Variants in SPICE1 observed in about 807,000 individuals in gnomAD.
SPICE1 encodes the protein spindle and centriole-associated protein 1.
A neutral mutation model predicts 102.7 loss-of-function variants in SPICE1; 75 were observed. The ratio of observed to expected loss-of-function variants is 0.73; its 90% confidence interval spans 0.61 to 0.88. The LOEUF is 0.88. Among genes scored for constraint, SPICE1 ranks in the 40% least tolerant of loss-of-function variants. The pLI is 0.00. For synonymous variants in SPICE1, 308 were observed against 350.3 expected, an observed-to-expected ratio of 0.88 and a Z score of 1.35; for missense variants, 979 against 1,020.1, an observed-to-expected ratio of 0.96 and a Z score of 0.55.
At chr3:113,505,378 T>C (rs1937089283) in intron 2 of SPICE1, among the ~76,000 whole-genome samples, 1 of 152,104 alleles carries the variant, frequency 6.6e-6, no homozygotes, top group Non-Finnish European at 1.5e-5. Flanking sequence ...TAAAATTTTA[T>C]AGCCAATCAG....
intron 13 of SPICE1, among the ~76,000 whole-genome samples, chr3:113,454,632 C>T (rs530521202): frequency 6.6e-6 from 1 of 152,122 alleles, no homozygotes; most frequent in Admixed American, 6.5e-5. Context: ...AGGAGAATAG[C>T]TTGAACCCAG....
chr3:113,473,255 G>A (rs1036305240), intron 7 of SPICE1, among the ~76,000 whole-genome samples: 10 of 152,076 alleles, frequency 6.6e-5, no homozygotes, highest in South Asian at 6.2e-4. Context: ...AAAAAGAAAC[G>A]AACAAAGCCT....
chr3:113,514,967 C>T lies in SPICE1; in HGVS notation c.-71G>A. The T allele has an allele frequency of 1.4e-6, 1 of 730,856 alleles. No homozygotes were observed. Among genetic ancestry groups the T allele is most frequent in the Non-Finnish European group, 1.9e-6 (1 of 531,444 alleles). The allele number at this position is 730,856 out of a possible 1,614,324, so 45.3% of individuals were successfully genotyped here. ...GGATTCCCCAACCGGGCGCCTGGAT[C>T]CCAGGCAACAGACAGATGCCACCAC... On this transcript the variant is annotated 5_prime_UTR_variant, in exon 1 of 18. Transcript: ENST00000295872.
rs766013866 is a variant in SPICE1 at position 113,453,862 on chromosome 3, C to A, written c.1746G>T (p.Lys582Asn). Residue 582 changes from lysine to asparagine, a missense_variant, in exon 14 of 18, where the codon AAG becomes AAT. Physicochemically the swap from Lys to Asn is moderately conservative, Grantham distance 94. Coordinates refer to ENST00000295872, the MANE Select transcript of SPICE1 (RefSeq NM_144718.4). ...GAATGTCTGTATCAATAGGTAAGGTCTTCTCTTCCCAATTTTGTTCCTTCT... is the reference window on the plus strand; with the variant it reads ...GAATGTCTGTATCAATAGGTAAGGTATTCTCTTCCCAATTTTGTTCCTTCT... The part of the protein sequence containing the change: ...IIEKEQNWEE[K>N]TLPIDTDIQN... 2.2e-5 allele frequency: 36 copies of A among 1,614,078 alleles called. No individual in the cohort carries two copies. Among genetic ancestry groups the A allele is most frequent in the Non-Finnish European group, 2.3e-5 (27 of 1,180,028 alleles).
chr3:113,448,752 C>A (rs1362919981), intron 15 of SPICE1: 1 of 152,160 alleles, frequency 6.6e-6, no homozygotes, highest in African/African-American at 2.4e-5. Context: ...CTTTGTGTGA[C>A]TTCCTGGCTT....
intron 7 of SPICE1, among the ~76,000 whole-genome samples, chr3:113,474,998 G>C (rs1936303862): frequency 6.6e-6 from 1 of 152,130 alleles, no homozygotes; most frequent in Admixed American, 6.5e-5. Flanking sequence ...TCCAGGAGCT[G>C]GCTTTTTGAA....
chr3:113,448,033 C>A lies in SPICE1; in HGVS notation c.2426+5G>T. On this transcript the variant is annotated splice_donor_5th_base_variant and intron_variant, in intron 16 of 17. Coordinates refer to ENST00000295872, the MANE Select transcript of SPICE1 (RefSeq NM_144718.4). ...TTTTAAATAAATATTCACACTGCAACTTACCTTCTTGTATTTATCCCGCTG... is the reference window on the plus strand; with the variant it reads ...TTTTAAATAAATATTCACACTGCAAATTACCTTCTTGTATTTATCCCGCTG... 6.3e-7 allele frequency: 1 copy of A among 1,588,988 alleles called. No homozygotes were observed. The highest frequency in any genetic ancestry group is 8.5e-7 in the Non-Finnish European group (1 of 1,171,290).
chr3:113,513,777 TTCAC>T (rs1463883242), intron 1 of SPICE1, among the ~76,000 whole-genome samples: 1 of 152,206 alleles, frequency 6.6e-6, no homozygotes, highest in African/African-American at 2.4e-5. Flanking sequence ...TAGTCTCCCT[TTCAC>T]TCTTCACTCA....
intron 7 of SPICE1, among the ~76,000 whole-genome samples, chr3:113,480,932 A>AAAGAAAGAAAGAAAGAAAGAAAG (rs750705808): frequency 0.068 from 4,273 of 62,556 alleles, 212 homozygotes; most frequent in Non-Finnish European, 0.072. Context: ...AAGAAAGAAA[A>AAAGAAAGAAAGAAAGAAAGAAAG]AAGACCTCAG....
chr3:113,504,484 A>G (rs1576649885), intron 2 of SPICE1, among the ~76,000 whole-genome samples: 1 of 150,004 alleles, frequency 6.7e-6, no homozygotes, highest in South Asian at 2.1e-4. Flanking sequence ...TCAGCTACCC[A>G]GGAGGTTCAG....
chr3:113,476,588 T>G (rs1291603223), intron 7 of SPICE1, among the ~76,000 whole-genome samples: 1 of 143,976 alleles, frequency 6.9e-6, no homozygotes, highest in African/African-American at 2.7e-5. Context: ...AAAACAGAGA[T>G]ATAGATCAAT....
At chr3:113,454,219 C>T (rs956446830) in intron 13 of SPICE1, among the ~76,000 whole-genome samples, 1 of 152,162 alleles carries the variant, frequency 6.6e-6, no homozygotes, top group Admixed American at 6.5e-5. Context: ...CATATATTAA[C>T]TCACATCTGG....
At position 113,468,910 on chromosome 3, in the gene SPICE1, G is replaced by A. The variant is rs761568496; in HGVS notation, c.752-11C>T. 6.3e-7 allele frequency: 1 copy of A among 1,598,114 alleles called. No individual in the cohort carries two copies. The highest frequency in any genetic ancestry group is 1.8e-5 in the Admixed American group (1 of 55,148). On this transcript the variant is annotated splice_polypyrimidine_tract_variant and intron_variant, in intron 8 of 17. Coordinates refer to ENST00000295872, the MANE Select transcript of SPICE1 (RefSeq NM_144718.4). ...TAGCATTCAGAGCAGCTAAAAGGAAGAACATTTCCAAAAGTATCTCAAGTG... is the reference window on the plus strand; with the variant it reads ...TAGCATTCAGAGCAGCTAAAAGGAAAAACATTTCCAAAAGTATCTCAAGTG...
chr3:113,479,328 G>C (rs1464373744), intron 7 of SPICE1, among the ~76,000 whole-genome samples: 1 of 151,264 alleles, frequency 6.6e-6, no homozygotes, highest in Non-Finnish European at 1.5e-5. Flanking sequence ...TGGCTGCATA[G>C]TATTCCATGG....
rs1320535912 is a variant in SPICE1 at position 113,445,227 on chromosome 3, G to C, written c.*80C>G. 1.8e-6 allele frequency: 2 copies of C among 1,083,464 alleles called. No individual in the cohort carries two copies. Among genetic ancestry groups the C allele is most frequent in the South Asian group, 1.4e-5 (1 of 69,828 alleles). The allele number at this position is 1,083,464 out of a possible 1,614,324, so 67.1% of individuals were successfully genotyped here. On this transcript the variant is annotated 3_prime_UTR_variant, in exon 18 of 18. Coordinates refer to ENST00000295872, the MANE Select transcript of SPICE1 (RefSeq NM_144718.4). ...CTTTGTAGGTTTTATCTGAAAGAAG[G>C]ATATAAAAACTTAAAAGTCAGAGCA...
intron 1 of SPICE1, among the ~76,000 whole-genome samples, chr3:113,507,990 T>C (rs553611684): frequency 1.3e-5 from 2 of 152,252 alleles, no homozygotes; most frequent in South Asian, 4.1e-4. Flanking sequence ...CTTACATTTA[T>C]GGTCAGTTTT....
chr3:113,465,292 G>A (rs1936026734), intron 11 of SPICE1, among the ~76,000 whole-genome samples: 1 of 152,102 alleles, frequency 6.6e-6, no homozygotes, highest in African/African-American at 2.4e-5. Context: ...AATTGCAAAA[G>A]GACTCCTCAA....
intron 7 of SPICE1, among the ~76,000 whole-genome samples, chr3:113,480,887 A>G (rs553816417): frequency 1.0e-3 from 148 of 144,032 alleles, no homozygotes; most frequent in African/African-American, 3.6e-3. Flanking sequence ...AAAAAAGACT[A>G]AAAATAACAA....
chr3:113,485,098 CA>C (rs1328460799), intron 7 of SPICE1, among the ~76,000 whole-genome samples: 1 of 152,044 alleles, frequency 6.6e-6, no homozygotes, highest in African/African-American at 2.4e-5. Flanking sequence ...GTGCCTACCC[CA>C]GCAGGGTCCT....
Sources: gnomAD v4.1 joint callset for allele counts (sites outside exome capture counted in the v4.1 genomes callset) on GRCh38, gnomAD v4.1.1 for gene constraint, MANE v1.5 for transcripts, NCBI Gene and HGNC (gene_info 2026-07-23, HGNC 2026-07-21) for gene names.